CRACD: variants seen among roughly 807,000 people sequenced by gnomAD.
CRACD encodes capping protein inhibiting regulator of actin dynamics.
In CRACD, 56 loss-of-function variants were observed where a neutral mutation model predicts 106.8. That is an observed-to-expected ratio of 0.52 (90% CI 0.42 to 0.66). The LOEUF is 0.66. Ranked by LOEUF, CRACD falls within the 30% of genes least tolerant of loss-of-function variation. CRACD has a pLI of 0.00. For synonymous variants in CRACD, 754 were observed against 670.8 expected (o/e 1.12, Z -1.92); for missense variants, 1,730 against 1,623.2 (o/e 1.07, Z -1.13).
chr4:56,122,065 T>C (rs940289062), intron 1 of CRACD, among the ~76,000 whole-genome samples: 7 of 152,144 alleles, frequency 4.6e-5, no homozygotes, highest in African/African-American at 1.7e-4. Flanking sequence ...TCCCAGCTAC[T>C]GGGTAGACTG....
chr4:56,104,033 C>G (rs1733864209), intron 1 of CRACD, among the ~76,000 whole-genome samples: 1 of 152,198 alleles, frequency 6.6e-6, no homozygotes, highest in Non-Finnish European at 1.5e-5. Context: ...CTTGGCCTCT[C>G]AAAGTGCTGA....
chr4:56,059,292 A>C (rs1358360396), intron 1 of CRACD, among the ~76,000 whole-genome samples: 17 of 152,000 alleles, frequency 1.1e-4, no homozygotes, highest in Admixed American at 1.1e-3. Context: ...ACAAACAAAC[A>C]AACAAACAGA....
At chr4:56,114,676 T>C (rs1349917573) in intron 1 of CRACD, among the ~76,000 whole-genome samples, 1 of 152,196 alleles carries the variant, frequency 6.6e-6, no homozygotes, top group East Asian at 1.9e-4. Flanking sequence ...AGTCAGTTGC[T>C]ATCATTATTA....
At chr4:56,144,628 T>A (rs1016056527) in intron 1 of CRACD, among the ~76,000 whole-genome samples, 2 of 152,014 alleles carry the variant, frequency 1.3e-5, no homozygotes, top group African/African-American at 2.4e-5. Context: ...TTCTTAAAAA[T>A]TACCCATTTT....
chr4:56,307,940 G>A (rs1415112150), intron 5 of CRACD, among the ~76,000 whole-genome samples: 1 of 152,178 alleles, frequency 6.6e-6, no homozygotes, highest in Non-Finnish European at 1.5e-5. Context: ...TACCCTTCAA[G>A]GCTTATGCCT....
intron 2 of CRACD, among the ~76,000 whole-genome samples, chr4:56,235,931 G>C (rs979738397): frequency 2.0e-5 from 3 of 152,156 alleles, no homozygotes; most frequent in African/African-American, 7.2e-5. Context: ...CTGTGGGTGT[G>C]CCCTGCCCAC....
chr4:56,222,574 T>A (rs77773642), intron 2 of CRACD, among the ~76,000 whole-genome samples: 1 of 152,166 alleles, frequency 6.6e-6, no homozygotes, highest in African/African-American at 2.4e-5. Context: ...TAAATAAAAA[T>A]AAATTTAAAA....
chr4:56,156,022 G>C (rs968387062), intron 1 of CRACD, among the ~76,000 whole-genome samples: 1 of 152,138 alleles, frequency 6.6e-6, no homozygotes, highest in Non-Finnish European at 1.5e-5. Flanking sequence ...GGAGTGCAGT[G>C]GTGTGATCTT....
intron 3 of CRACD, among the ~76,000 whole-genome samples, chr4:56,297,115 G>T (rs1256919593): frequency 1.3e-5 from 2 of 151,668 alleles, no homozygotes; most frequent in Non-Finnish European, 2.9e-5. Context: ...TGTTTTTTTG[G>T]TATTTTTAGT....
At chr4:56,265,304 A>T (rs1205052723) in intron 2 of CRACD, among the ~76,000 whole-genome samples, 2 of 152,194 alleles carry the variant, frequency 1.3e-5, no homozygotes, top group Non-Finnish European at 2.9e-5. Flanking sequence ...CATGTTTGAA[A>T]TCAGAAGTTG....
rs145654680 is a variant in CRACD, at chr4:56,241,178, A to G, written c.-188-31143A>G. Among the ~76,000 whole-genome samples, 127 of 152,334 alleles carry G rather than the reference A, an allele frequency of 8.3e-4. No homozygotes were observed. In the Middle Eastern group the frequency reaches 0.014, roughly 16 times the overall value. On this transcript the variant is annotated intron_variant, in intron 2 of 10. Transcript: ENST00000682029. ...TCACTGCAGTGTGGTTATTCAGTAC[A>G]GGGCTTGTGTGCTTTCTGGATCCAT...
chr4:56,291,868 A>C (rs1034925281), intron 3 of CRACD, among the ~76,000 whole-genome samples: 1 of 152,210 alleles, frequency 6.6e-6, no homozygotes. Flanking sequence ...CCTAATATAG[A>C]AAACTGGTAC....
intron 3 of CRACD, among the ~76,000 whole-genome samples, chr4:56,289,498 C>A (rs980834539): frequency 6.6e-6 from 1 of 151,912 alleles, no homozygotes; most frequent in Non-Finnish European, 1.5e-5. Context: ...ATGGCAAGAT[C>A]CCATCTTTAT....
intron 1 of CRACD, 69 bp downstream of exon 1, chr4:56,049,368 C>T (rs1484009391): frequency 6.6e-6 from 1 of 151,934 alleles, no homozygotes; most frequent in Non-Finnish European, 1.5e-5. Flanking sequence ...CTCCTCCACT[C>T]GCGCCCCTCC....
chr4:56,145,280 G>A (rs1735343609), intron 1 of CRACD, among the ~76,000 whole-genome samples: 1 of 152,174 alleles, frequency 6.6e-6, no homozygotes, highest in African/African-American at 2.4e-5. Context: ...AGTATTTCAC[G>A]GAATGCTATT....
At chr4:56,299,881 C>T (rs1354037088) in intron 4 of CRACD, among the ~76,000 whole-genome samples, 1 of 151,758 alleles carries the variant, frequency 6.6e-6, no homozygotes, top group African/African-American at 2.4e-5. Context: ...CAACTGCCCT[C>T]AGTAGCTACT....
chr4:56,165,055 T>C (rs1736092583), intron 1 of CRACD, among the ~76,000 whole-genome samples: 1 of 152,234 alleles, frequency 6.6e-6, no homozygotes, highest in Admixed American at 6.5e-5. Context: ...GGCCATTCTT[T>C]GCAGATTCCA....
In CRACD at chr4:56,323,511, G is replaced by A. The variant is rs1746239688; in HGVS notation, c.3322G>A (p.Glu1108Lys). The A allele has an allele frequency of 1.2e-6, 2 of 1,606,872 alleles. No individual in the cohort carries two copies. Among genetic ancestry groups the A allele is most frequent in the Non-Finnish European group, 1.7e-6 (2 of 1,178,102 alleles). The change falls in exon 9 of 11, where the codon GAG becomes AAG. Residue 1108 changes from glutamate to lysine, a missense_variant. Coordinates refer to ENST00000682029, the MANE Select transcript of CRACD (RefSeq NM_001393381.1). ...KGFREQQATR[E>K]ERKQAREAKQ... is the part of the protein sequence containing the mutation. ...GTTTCGGGAGCAGCAGGCGACGCGG[G>A]AGGAGAGAAAGCAAGCCAGAGAGGC...
At chr4:56,098,337 A>G (rs1733662528) in intron 1 of CRACD, among the ~76,000 whole-genome samples, 1 of 152,206 alleles carries the variant, frequency 6.6e-6, no homozygotes, top group Non-Finnish European at 1.5e-5. Flanking sequence ...GTGTTTTCAT[A>G]TATGAAATTT....
Sources: gnomAD v4.1 joint callset for allele counts (sites outside exome capture counted in the v4.1 genomes callset) on GRCh38, gnomAD v4.1.1 for gene constraint, MANE v1.5 for transcripts, NCBI Gene and HGNC (gene_info 2026-07-23, HGNC 2026-07-21) for gene names.